Variants in SLCO1B1 observed in about 807,000 individuals in gnomAD.
SLCO1B1 encodes OATP-2.
In SLCO1B1, 81 loss-of-function variants were observed where a neutral mutation model predicts 70.1. The observed-to-expected ratio is 1.16, with a 90% CI of 0.97 to 1.39. The LOEUF (loss-of-function observed/expected upper bound fraction) is 1.39, where lower values mean the gene tolerates loss of function less well. SLCO1B1 is among the 40% of genes most tolerant of loss of function. The probability of loss-of-function intolerance (pLI) is 0.00; values close to 1 mark genes in which losing one functional copy is unlikely to be tolerated. For missense variants in SLCO1B1, 895 were observed against 799.6 expected (o/e 1.12, Z -1.44); for synonymous variants, 283 against 271.5 (o/e 1.04, Z -0.42).
intron 2 of SLCO1B1, among the ~76,000 whole-genome samples, chr12:21,145,259 G>A (rs1184544668): frequency 6.6e-6 from 1 of 152,098 alleles, no homozygotes; most frequent in Non-Finnish European, 1.5e-5. Context: ...GCTTAGCACA[G>A]TGTTACATAG....
At chr12:21,234,134 AG>A (rs1461129289) in intron 14 of SLCO1B1, among the ~76,000 whole-genome samples, 1 of 152,102 alleles carries the variant, frequency 6.6e-6, no homozygotes, top group African/African-American at 2.4e-5. Flanking sequence ...TTTGGTGGGT[AG>A]GGGGGCCAGT....
intron 2 of SLCO1B1, among the ~76,000 whole-genome samples, chr12:21,161,326 C>A (rs1255686489): frequency 6.6e-6 from 1 of 152,162 alleles, no homozygotes; most frequent in Non-Finnish European, 1.5e-5. Flanking sequence ...GAATACTATG[C>A]AGCCATAAAA....
intron 1 of SLCO1B1, among the ~76,000 whole-genome samples, chr12:21,134,534 A>C (rs1266734099): frequency 2.0e-5 from 3 of 152,128 alleles, no homozygotes; most frequent in Non-Finnish European, 4.4e-5. Flanking sequence ...CTATTCAGAG[A>C]TGCAACTTCT....
chr12:21,209,060 A>AT (rs1941248960), intron 11 of SLCO1B1, among the ~76,000 whole-genome samples: 1 of 150,304 alleles, frequency 6.7e-6, no homozygotes. Flanking sequence ...TAATTAATTT[A>AT]TTTATTTTTA....
intron 11 of SLCO1B1, among the ~76,000 whole-genome samples, chr12:21,208,763 A>C (rs1941243506): frequency 6.6e-6 from 1 of 152,094 alleles, no homozygotes; most frequent in South Asian, 2.1e-4. Flanking sequence ...ATGAGAGTAG[A>C]ATGTTTTTCC....
At position 21,224,840 on chromosome 12, in the gene SLCO1B1, G is replaced by C. The variant is rs200994482; in HGVS notation, c.1865+1G>C. ...GGACATATAATTCCACATCATTTTC[G>C]TAAGTTGTCATAAATATATTTCATT... On this transcript the variant is annotated splice_donor_variant, in intron 14 of 14. Transcript: ENST00000256958. LOFTEE classifies it high-confidence loss of function. The C allele has an allele frequency of 2.6e-6, 4 of 1,516,544 alleles. No homozygotes were observed. Among genetic ancestry groups the C allele is most frequent in the East Asian group, 2.3e-5 (1 of 44,010 alleles). The allele number at this position is 1,516,544 out of a possible 1,614,324, so 93.9% of individuals were successfully genotyped here.
At chr12:21,157,067 T>A (rs2121070421) in intron 2 of SLCO1B1, among the ~76,000 whole-genome samples, 1 of 152,280 alleles carries the variant, frequency 6.6e-6, no homozygotes, top group East Asian at 1.9e-4. Flanking sequence ...CTAAAATAAG[T>A]AAGCTAAATA....
chr12:21,188,867 GTA>G (rs1940993471), intron 7 of SLCO1B1, among the ~76,000 whole-genome samples: 1 of 152,122 alleles, frequency 6.6e-6, no homozygotes, highest in South Asian at 2.1e-4. Flanking sequence ...TAATCATGTA[GTA>G]TATGTCCTTC....
At chr12:21,145,258 A>G (rs1474310284) in intron 2 of SLCO1B1, among the ~76,000 whole-genome samples, 3 of 152,156 alleles carry the variant, frequency 2.0e-5, no homozygotes, top group African/African-American at 2.4e-5. Flanking sequence ...TGCTTAGCAC[A>G]GTGTTACATA....
At chr12:21,198,811 G>A (rs1019265971) in intron 8 of SLCO1B1, among the ~76,000 whole-genome samples, 11 of 152,054 alleles carry the variant, frequency 7.2e-5, no homozygotes, top group Admixed American at 7.2e-4. Context: ...TGCCACTTAA[G>A]TTGTTTATTG....
At chr12:21,178,811 A>G (rs1029396511) in intron 6 of SLCO1B1, 89 bp downstream of exon 6, 22 of 1,372,396 alleles carry the variant, frequency 1.6e-5, no homozygotes, top group African/African-American at 7.2e-5. Flanking sequence ...TATTTTACCT[A>G]TTAGAACATA....
chr12:21,179,681 A>G (rs946107681), intron 7 of SLCO1B1, among the ~76,000 whole-genome samples: 15 of 152,000 alleles, frequency 9.9e-5, no homozygotes, highest in African/African-American at 3.1e-4. Context: ...CACCATATCT[A>G]TCTTTATCTT....
chr12:21,172,415 G>T (rs1451514968), intron 2 of SLCO1B1, among the ~76,000 whole-genome samples: 1 of 152,168 alleles, frequency 6.6e-6, no homozygotes, highest in East Asian at 1.9e-4. Flanking sequence ...TAACTGTAGT[G>T]CTCTAATATT....
At chr12:21,154,372 A>T (rs1243368523) in intron 2 of SLCO1B1, among the ~76,000 whole-genome samples, 3 of 152,156 alleles carry the variant, frequency 2.0e-5, no homozygotes, top group Non-Finnish European at 4.4e-5. Flanking sequence ...GTGAGGTTAC[A>T]GTGAGAAGAT....
chr12:21,230,433 C>T (rs544209979), intron 14 of SLCO1B1, among the ~76,000 whole-genome samples: 2 of 148,336 alleles, frequency 1.3e-5, no homozygotes, highest in East Asian at 2.0e-4. Flanking sequence ...CAGGTTCAAG[C>T]GATTCTCCTG....
Position 21,174,788 on chromosome 12 carries a change from C to A in SLCO1B1, c.359+79C>A, listed in dbSNP as rs879068872. On this transcript the variant is annotated intron_variant, in intron 4 of 14. Transcript: ENST00000256958. Reference sequence around the variant, plus strand: ...TAGGAGTAGAATTTTATTATTATCCCTTTAAATAGGCAGTTACCTTTTGAG... The same window carrying A: ...TAGGAGTAGAATTTTATTATTATCCATTTAAATAGGCAGTTACCTTTTGAG... The A allele has an allele frequency of 2.4e-5, 35 of 1,441,742 alleles. No homozygotes were observed. In the South Asian group the frequency reaches 2.9e-4, roughly 12 times the overall value. 89.3% of individuals were successfully genotyped at this position (1,441,742 alleles called of 1,614,324 possible). A position where few individuals can be genotyped will look rare whatever the true frequency, so the allele number is the denominator to read the frequency against.
At chr12:21,149,461 A>G (rs888924101) in intron 2 of SLCO1B1, among the ~76,000 whole-genome samples, 3 of 152,166 alleles carry the variant, frequency 2.0e-5, no homozygotes, top group African/African-American at 4.8e-5. Flanking sequence ...AAAAAGATCA[A>G]CGCAGAAGGT....
rs766690750 is a variant in SLCO1B1 at position 21,224,762 on chromosome 12, T to C, written c.1788T>C (p.Asp596=). Residue 596 remains aspartate (D), a synonymous_variant, in exon 14 of 15, where the codon GAT becomes GAC. Transcript: ENST00000256958. Reference sequence around the variant, plus strand: ...CAATATATTTTGGGGCTCTGATTGATACAACGTGTATAAAGTGGTCCACCA... The same window carrying C: ...CAATATATTTTGGGGCTCTGATTGACACAACGTGTATAAAGTGGTCCACCA... ...LAPIYFGALI[D]TTCIKWSTNN... 1 of 1,612,416 alleles carries C rather than the reference T, an allele frequency of 6.2e-7. No individual in the cohort carries two copies.
chr12:21,195,856 G>A (rs993088486), intron 7 of SLCO1B1, among the ~76,000 whole-genome samples: 2 of 152,132 alleles, frequency 1.3e-5, no homozygotes, highest in African/African-American at 4.8e-5. Flanking sequence ...GAAGACAGTC[G>A]CAAGGGTAGT....
Sources: gnomAD v4.1 joint callset for allele counts (sites outside exome capture counted in the v4.1 genomes callset) on GRCh38, gnomAD v4.1.1 for gene constraint, MANE v1.5 for transcripts, NCBI Gene and HGNC (gene_info 2026-07-23, HGNC 2026-07-21) for gene names.